TMEM164: variants seen among roughly 807,000 people sequenced by gnomAD.
TMEM164 encodes the protein RP13-360B22.2.
Under a neutral mutation model 18.8 loss-of-function variants are expected in TMEM164, and 4 were observed. The observed-to-expected ratio is 0.21, with a 90% CI of 0.10 to 0.49. The LOEUF (loss-of-function observed/expected upper bound fraction) is 0.49, where lower values mean the gene tolerates loss of function less well. Ranked by LOEUF, TMEM164 falls within the 20% of genes least tolerant of loss-of-function variation. The pLI is 0.98. For synonymous variants in TMEM164, 86 were observed against 101.7 expected, an observed-to-expected ratio of 0.85 and a Z score of 0.93; for missense variants, 108 against 239.9, an observed-to-expected ratio of 0.45 and a Z score of 3.63.
Position 110,144,525 on chromosome X carries a change from A to G in TMEM164, c.508-273A>G, listed in dbSNP as rs972012543. ...GGAAACCACCAAGGGGATATATTAT[A>G]TACTACATCTCCTAAATTTTTAACC... On this transcript the variant is annotated intron_variant, in intron 4 of 6. Transcript: ENST00000372068. Among the ~76,000 whole-genome samples, 4 of 111,991 alleles carry G rather than the reference A, an allele frequency of 3.6e-5. No homozygotes were observed. The East Asian group carries it at 1.1e-3, about 31-fold the overall frequency.
intron 2 of TMEM164, among the ~76,000 whole-genome samples, chrX:110,017,827 C>G (rs1392592466): frequency 9.1e-6 from 1 of 109,928 alleles, no homozygotes; most frequent in African/African-American, 3.3e-5. Flanking sequence ...CCTCCACCTC[C>G]CAAAGTGCTG....
chrX:110,032,450 T>G (rs540956975), intron 2 of TMEM164, among the ~76,000 whole-genome samples: 40 of 111,648 alleles, frequency 3.6e-4, no homozygotes, highest in African/African-American at 4.9e-4. Context: ...TGTTGTTGTT[T>G]TTTTTTGCAG....
At chrX:110,060,282 A>G (rs1936059038) in intron 2 of TMEM164, among the ~76,000 whole-genome samples, 1 of 107,452 alleles carries the variant, frequency 9.3e-6, no homozygotes, top group Non-Finnish European at 1.9e-5. Flanking sequence ...AAAAAAAAAA[A>G]AAGAAAAGAA....
chrX:110,153,926 G>A (rs1425410659), intron 5 of TMEM164, among the ~76,000 whole-genome samples: 1 of 111,431 alleles, frequency 9.0e-6, no homozygotes, highest in African/African-American at 3.3e-5. Flanking sequence ...CTAATACAAT[G>A]TAAATGCTAT....
chrX:110,069,177 T>C (rs1484937127), intron 3 of TMEM164, among the ~76,000 whole-genome samples: 1 of 112,020 alleles, frequency 8.9e-6, no homozygotes, highest in Non-Finnish European at 1.9e-5. Flanking sequence ...GGTATATAGG[T>C]ATATGGGAAT....
intron 4 of TMEM164, among the ~76,000 whole-genome samples, chrX:110,109,623 G>A (rs1438864557): frequency 8.9e-6 from 1 of 112,536 alleles, no homozygotes; most frequent in Non-Finnish European, 1.9e-5. Context: ...AGGGGCTCTC[G>A]TTAGATTCAA....
At position 110,022,269 on chromosome X, in the gene TMEM164, C is replaced by T. The variant is rs181167729; in HGVS notation, c.390+18105C>T. Among the ~76,000 whole-genome samples the T allele has an allele frequency of 2.0e-4, 22 of 110,938 alleles. No homozygotes were observed. In the East Asian group the frequency reaches 5.9e-3, roughly 30 times the overall value. On this transcript the variant is annotated intron_variant, in intron 2 of 6. Transcript: ENST00000372068. ...TATTTCCTCCTCTTTATTCCCAAAG[C>T]CTTGGGAGTGGACTGCTTGTAAAGT...
At chrX:110,003,381 C>G (rs895877261) in intron 1 of TMEM164, 120 bp from the exon 2 acceptor site, 2 of 140,662 alleles carry the variant, frequency 1.4e-5, no homozygotes, top group Non-Finnish European at 2.8e-5. Context: ...CCCCTGCTTG[C>G]TTCGCCACTG....
At chrX:110,154,662 C>T (rs965293676) in intron 5 of TMEM164, among the ~76,000 whole-genome samples, 3 of 111,846 alleles carry the variant, frequency 2.7e-5, no homozygotes, top group East Asian at 2.8e-4. Flanking sequence ...TCAAGTGATC[C>T]GCCTGCCTCT....
intron 2 of TMEM164, among the ~76,000 whole-genome samples, chrX:110,011,588 T>C (rs190267164): frequency 1.4e-3 from 152 of 112,311 alleles, no homozygotes; most frequent in African/African-American, 4.7e-3. Flanking sequence ...ATTTAATATC[T>C]ATTCACTTAC....
At chrX:110,119,569 A>C (rs1324991192) in intron 4 of TMEM164, among the ~76,000 whole-genome samples, 2 of 112,164 alleles carry the variant, frequency 1.8e-5, no homozygotes, top group African/African-American at 6.5e-5. Flanking sequence ...TTTATAGTGT[A>C]GTGGTCAAAA....
chrX:110,162,911 G>T (rs1026519564), intron 5 of TMEM164, among the ~76,000 whole-genome samples: 71 of 111,795 alleles, frequency 6.4e-4, no homozygotes, highest in African/African-American at 2.3e-3. Context: ...TCCTATCCCT[G>T]CCCCCATCCA....
chrX:110,105,792 A>AGG (rs2066192645), intron 3 of TMEM164, among the ~76,000 whole-genome samples: 1 of 96,189 alleles, frequency 1.0e-5, no homozygotes, highest in East Asian at 3.0e-4. Context: ...AGAGAGAGAG[A>AGG]GAACATATGT....
chrX:110,178,630 G>C (rs1051274631), downstream of TMEM164, among the ~76,000 whole-genome samples: 1 of 112,446 alleles, frequency 8.9e-6, no homozygotes, highest in Non-Finnish European at 1.9e-5. Flanking sequence ...GAATGAGGCA[G>C]GGTCTTGCAA....
At chrX:110,044,677 C>G (rs1232063706) in intron 2 of TMEM164, among the ~76,000 whole-genome samples, 1 of 94,580 alleles carries the variant, frequency 1.1e-5, no homozygotes, top group Admixed American at 1.3e-4. Context: ...TTTGGAACTC[C>G]TGGGCTCACA....
chrX:110,104,781 G>T (rs963373374), intron 3 of TMEM164, among the ~76,000 whole-genome samples: 5 of 111,488 alleles, frequency 4.5e-5, no homozygotes, highest in Non-Finnish European at 9.4e-5. Context: ...TAAGGCTTCT[G>T]GTCAACAGTA....
At chrX:110,183,387 A>G (rs1037466074), downstream of TMEM164, among the ~76,000 whole-genome samples, 1 of 112,576 alleles carries the variant, frequency 8.9e-6, no homozygotes, top group Non-Finnish European at 1.9e-5. Context: ...ATCTTCAATT[A>G]TAGTTGTAGT....
chrX:110,040,989 T>G (rs1935064888), intron 2 of TMEM164, among the ~76,000 whole-genome samples: 1 of 111,929 alleles, frequency 8.9e-6, no homozygotes, highest in Non-Finnish European at 1.9e-5. Context: ...TGTTACCTCA[T>G]AAATAAGTAA....
chrX:110,158,112 C>T (rs2067043142), intron 5 of TMEM164, among the ~76,000 whole-genome samples: 1 of 111,662 alleles, frequency 9.0e-6, no homozygotes, highest in African/African-American at 3.3e-5. Context: ...GTCTCAAACT[C>T]CTGACCTCAA....
Sources: gnomAD v4.1 joint callset for allele counts (sites outside exome capture counted in the v4.1 genomes callset) on GRCh38, gnomAD v4.1.1 for gene constraint, MANE v1.5 for transcripts, NCBI Gene and HGNC (gene_info 2026-07-23, HGNC 2026-07-21) for gene names.